The following AFF2 variants were observed in gnomAD, a reference collection of about 807,000 sequenced individuals.
AFF2 encodes the protein ALF transcription elongation factor 2.
A neutral mutation model predicts 76.9 loss-of-function variants in AFF2; 14 were observed. That is an observed-to-expected ratio of 0.18 (90% CI 0.12 to 0.28). AFF2 has a LOEUF of 0.28. AFF2 is among the 10% of genes least tolerant of loss of function. The probability of loss-of-function intolerance (pLI) is 1.00; values close to 1 mark genes in which losing one functional copy is unlikely to be tolerated. For missense variants in AFF2, 868 were observed against 1,001.1 expected, an observed-to-expected ratio of 0.87 and a Z score of 1.79; for synonymous variants, 398 against 366.7, an observed-to-expected ratio of 1.09 and a Z score of -0.98.
intron 15 of AFF2, among the ~76,000 whole-genome samples, chrX:148,971,292 G>C (rs782484174): frequency 9.7e-6 from 1 of 103,019 alleles, no homozygotes; most frequent in African/African-American, 3.6e-5. Context: ...TTGCAGACAT[G>C]TCACTGTCCT....
intron 2 of AFF2, among the ~76,000 whole-genome samples, chrX:148,659,108 C>T (rs1428573523): frequency 8.9e-6 from 1 of 111,988 alleles, no homozygotes; most frequent in Non-Finnish European, 1.9e-5. Context: ...CAATTTTCCT[C>T]TAATTTTGTT....
intron 3 of AFF2, among the ~76,000 whole-genome samples, chrX:148,724,582 T>C (rs1208875902): frequency 1.8e-5 from 2 of 112,303 alleles, no homozygotes; most frequent in East Asian, 2.8e-4. Context: ...GCCTGAGAGA[T>C]ATTACTATCC....
intron 3 of AFF2, among the ~76,000 whole-genome samples, chrX:148,770,861 A>G (rs924284266): frequency 2.7e-5 from 3 of 112,295 alleles, no homozygotes; most frequent in Middle Eastern, 4.6e-3. Context: ...CTGAAACTGT[A>G]GTTTCCTGAA....
chrX:148,793,927 A>G (rs1222318166), intron 3 of AFF2, among the ~76,000 whole-genome samples: 6 of 112,311 alleles, frequency 5.3e-5, no homozygotes, highest in Admixed American at 4.7e-4. Flanking sequence ...AAAGTATTCC[A>G]TTGAGAATGA....
In AFF2 at chrX:148,809,762, AG is replaced by A. The variant is rs2070180479; in HGVS notation, c.1042-112del. Reference sequence around the variant, plus strand: ...TTGCAGATATTCTTTTGTATTTAATAGGAAAAAAATGATAGCTAGATTTTCT... The same window carrying A: ...TTGCAGATATTCTTTTGTATTTAATAGAAAAAAATGATAGCTAGATTTTCT... On this transcript the variant is annotated intron_variant, in intron 3 of 20. Transcript: ENST00000370460. 4 of 746,766 alleles carry A rather than the reference AG, an allele frequency of 5.4e-6. No individual in the cohort carries two copies. The Admixed American group carries it at 1.3e-4, about 24-fold the overall frequency. 61.5% of individuals were successfully genotyped at this position (746,766 alleles called of 1,213,427 possible).
chrX:148,902,963 A>G (rs1289718273), intron 8 of AFF2, among the ~76,000 whole-genome samples: 6 of 111,138 alleles, frequency 5.4e-5, no homozygotes, highest in Non-Finnish European at 1.1e-4. Flanking sequence ...GTTGTTATGC[A>G]TAGAGGTCTT....
rs1426065690 is a variant in AFF2, at chrX:148,792,508, A to G, written c.1042-17368A>G. ...TTATGACTGTTTTAACACAAAAGTG[A>G]TAACAAAGGGCCTTGCTGACACAAG... On this transcript the variant is annotated intron_variant, in intron 3 of 20. Coordinates refer to ENST00000370460, the MANE Select transcript of AFF2 (RefSeq NM_002025.4). Among the ~76,000 whole-genome samples the G allele has an allele frequency of 2.7e-5, 3 of 113,069 alleles. No individual in the cohort carries two copies. The East Asian group carries it at 8.3e-4, about 31-fold the overall frequency.
chrX:148,777,920 G>A (rs6655001), intron 3 of AFF2, among the ~76,000 whole-genome samples: 142 of 112,146 alleles, frequency 1.3e-3, no homozygotes, highest in African/African-American at 3.8e-3. Flanking sequence ...GGGCATCCTT[G>A]TCTTGTGCCA....
At chrX:148,928,124 C>T (rs1245494336) in intron 9 of AFF2, among the ~76,000 whole-genome samples, 2 of 111,591 alleles carry the variant, frequency 1.8e-5, no homozygotes, top group Non-Finnish European at 3.8e-5. Flanking sequence ...GAACTCTCTA[C>T]AAGGGCATTT....
intron 1 of AFF2, among the ~76,000 whole-genome samples, chrX:148,595,217 G>A (rs782113601): frequency 1.8e-5 from 2 of 111,918 alleles, no homozygotes; most frequent in African/African-American, 3.3e-5. Context: ...CGATAAAGTG[G>A]GAAGATAGGA....
In AFF2 at chrX:148,854,269, A is replaced by G. The variant is rs1229302432; in HGVS notation, c.1262+10836A>G. Among the ~76,000 whole-genome samples the G allele has an allele frequency of 4.5e-5, 5 of 111,988 alleles. No individual in the cohort carries two copies. In the Admixed American group the frequency reaches 4.7e-4, roughly 11 times the overall value. Reference sequence around the variant, plus strand: ...TCTGCCTTTCCCATCTGCTAGAAAGAGTTTGTGTGTCTTGGGGAGGAGGGA... The same window carrying G: ...TCTGCCTTTCCCATCTGCTAGAAAGGGTTTGTGTGTCTTGGGGAGGAGGGA... On this transcript the variant is annotated intron_variant, in intron 7 of 20. Transcript: ENST00000370460.
At chrX:148,963,854 T>A (rs1352009131) in intron 13 of AFF2, among the ~76,000 whole-genome samples, 2 of 111,851 alleles carry the variant, frequency 1.8e-5, no homozygotes, top group African/African-American at 6.5e-5. Flanking sequence ...GGCTTACAAG[T>A]TTTTTACGGC....
At chrX:148,640,519 C>G (rs1557254511) in intron 1 of AFF2, among the ~76,000 whole-genome samples, 1 of 112,136 alleles carries the variant, frequency 8.9e-6, no homozygotes, top group Non-Finnish European at 1.9e-5. Flanking sequence ...TTTTCATGCT[C>G]CCCTAGCTGA....
At position 148,998,262 on chromosome X, in the gene AFF2, G is replaced by C. The variant is rs1329392459; in HGVS notation, c.*6930G>C. 8.9e-6 allele frequency: 1 copy of C among 111,892 alleles called. No individual in the cohort carries two copies. The highest frequency in any genetic ancestry group is 3.3e-5 in the African/African-American group (1 of 30,696). 9.2% of individuals were successfully genotyped at this position (111,892 alleles called of 1,213,427 possible). On this transcript the variant is annotated 3_prime_UTR_variant, in exon 21 of 21. Coordinates refer to ENST00000370460, the MANE Select transcript of AFF2 (RefSeq NM_002025.4). Reference sequence around the variant, plus strand: ...TGTATCTGTGGCTGTGATGGTTGTTGTTACTTGTCTCTCTCTCTCTCTGGC... The same window carrying C: ...TGTATCTGTGGCTGTGATGGTTGTTCTTACTTGTCTCTCTCTCTCTCTGGC...
intron 8 of AFF2, among the ~76,000 whole-genome samples, chrX:148,894,709 C>T (rs2071261792): frequency 9.0e-6 from 1 of 110,911 alleles, no homozygotes; most frequent in South Asian, 3.8e-4. Flanking sequence ...TCTCAAAAAA[C>T]TAAAAATAGA....
chrX:148,847,919 A>G (rs1244929313), intron 7 of AFF2, among the ~76,000 whole-genome samples: 1 of 112,018 alleles, frequency 8.9e-6, no homozygotes, highest in Non-Finnish European at 1.9e-5. Context: ...CCTGAAGTGT[A>G]CACAGTCCAG....
At chrX:148,680,642 T>C (rs1192719683) in intron 3 of AFF2, among the ~76,000 whole-genome samples, 1 of 112,064 alleles carries the variant, frequency 8.9e-6, no homozygotes, top group East Asian at 2.8e-4. Flanking sequence ...GATTGTGTTC[T>C]GCCTTCAAGA....
Position 148,568,944 on chromosome X carries a change from G to T in AFF2, c.47+67800G>T, listed in dbSNP as rs143333069. Among the ~76,000 whole-genome samples, 292 of 111,541 alleles carry T rather than the reference G, an allele frequency of 2.6e-3. 2 individuals carry two copies. Among genetic ancestry groups the T allele is most frequent in the African/African-American group, 9.2e-3 (283 of 30,731 alleles). ...TTATAATCATTAAAGATTGCCATTA[G>T]TAAGATGCTGGGCCAAATGTGTAAG... On this transcript the variant is annotated intron_variant, in intron 1 of 20. Transcript: ENST00000370460.
At chrX:148,814,543 A>T (rs1427205590) in intron 4 of AFF2, among the ~76,000 whole-genome samples, 1 of 111,759 alleles carries the variant, frequency 8.9e-6, no homozygotes, top group African/African-American at 3.3e-5. Flanking sequence ...TTTATGAGGG[A>T]TGCTGAATTT....
Sources: gnomAD v4.1 joint callset for allele counts (sites outside exome capture counted in the v4.1 genomes callset) on GRCh38, gnomAD v4.1.1 for gene constraint, MANE v1.5 for transcripts, NCBI Gene and HGNC (gene_info 2026-07-23, HGNC 2026-07-21) for gene names.